The following RAB23 variants were observed in gnomAD, a reference collection of about 807,000 sequenced individuals.
The protein encoded by RAB23 is RAB23, member RAS oncogene family, also known as ras-related protein Rab-23.
Under a neutral mutation model 30.0 loss-of-function variants are expected in RAB23, and 15 were observed. That is an observed-to-expected ratio of 0.50 (90% CI 0.33 to 0.77). The LOEUF is 0.77. RAB23 is among the 30% of genes least tolerant of loss of function. The probability of loss-of-function intolerance (pLI) is 0.02; values close to 1 mark genes in which losing one functional copy is unlikely to be tolerated. For missense variants in RAB23, 243 were observed against 275.4 expected (o/e 0.88, Z 0.83); for synonymous variants, 93 against 94.0 (o/e 0.99, Z 0.06).
At chr6:57,210,585 TAA>T in intron 1 of RAB23, 140 bp from the exon 2 acceptor site, 2 of 625,388 alleles carry the variant, frequency 3.2e-6, no homozygotes, top group South Asian at 2.0e-5. Context: ...TTAGATAATG[TAA>T]ACTCTTTGAA....
In RAB23 at chr6:57,190,454, A is replaced by G. The variant is rs1764794782; in HGVS notation, c.*7T>C. 1.2e-6 allele frequency: 2 copies of G among 1,613,974 alleles called. No individual in the cohort carries two copies. The highest frequency in any genetic ancestry group is 1.3e-5 in the African/African-American group (1 of 75,040). On this transcript the variant is annotated 3_prime_UTR_variant, in exon 7 of 7. Transcript: ENST00000468148. ...ATGTAATTCAATTGTTTTCCTCCCA[A>G]AACATCTTAGGGTATGCTACAGCTG...
At chr6:57,207,792 T>G (rs573409696) in intron 2 of RAB23, 79 bp from the exon 3 acceptor site, 3 of 1,000,692 alleles carry the variant, frequency 3.0e-6, no homozygotes, top group African/African-American at 3.2e-5. Flanking sequence ...TTTTTCATTT[T>G]CAAATCCAAA....
intron 1 of RAB23, among the ~76,000 whole-genome samples, chr6:57,214,569 G>T (rs987812513): frequency 6.6e-6 from 1 of 152,146 alleles, no homozygotes; most frequent in Admixed American, 6.5e-5. Context: ...CTCCCAAAGT[G>T]CTGAGATTAC....
rs1415366893 is a variant in RAB23, at chr6:57,221,842, T to C, written c.-182A>G. The C allele has an allele frequency of 1.3e-5, 2 of 152,408 alleles. No homozygotes were observed. The highest frequency in any genetic ancestry group is 3.9e-4 in the East Asian group (2 of 5,186). The allele number at this position is 152,408 out of a possible 1,614,324, so 9.4% of individuals were successfully genotyped here. ...GCGCTCGGCGGTCCGAACCGGGGGA[T>C]GGGGGAGCCGGGCCGGGAGGCCCCT... On this transcript the variant is annotated 5_prime_UTR_variant, in exon 1 of 7. Coordinates refer to ENST00000468148, the MANE Select transcript of RAB23 (RefSeq NM_016277.5).
chr6:57,190,506 C>T lies in RAB23; in HGVS notation c.669G>A (p.Arg223=). The T allele has an allele frequency of 6.2e-7, 1 of 1,613,988 alleles. No individual in the cohort carries two copies. ...DVINLRPNKQ[R]TKKNRNPFSS... ...TAAAAGGATTTCTGTTTTTCTTGGT[C>T]CTTTGTTTGTTGGGTCTAAGATTGA... is the stretch of plus-strand genomic sequence containing the variant. The change falls in exon 7 of 7, where the codon AGG becomes AGA. Residue 223 remains arginine (R), a synonymous_variant. Transcript: ENST00000468148.
At chr6:57,215,646 T>C (rs931359628) in intron 1 of RAB23, among the ~76,000 whole-genome samples, 2 of 152,080 alleles carry the variant, frequency 1.3e-5, no homozygotes, top group African/African-American at 2.4e-5. Context: ...GAACAGCTAA[T>C]GGAAGTTCTC....
chr6:57,195,323 G>A (rs1215004394), intron 4 of RAB23, among the ~76,000 whole-genome samples: 4 of 152,100 alleles, frequency 2.6e-5, no homozygotes, highest in African/African-American at 4.8e-5. Flanking sequence ...GCTGCCTAAA[G>A]CCAAAGTCAG....
In RAB23 at chr6:57,190,489, T is replaced by G; in HGVS notation, c.686A>C (p.Asn229Thr). Residue 229 changes from asparagine (N) to threonine (T), a missense_variant, in exon 7 of 7, where the codon AAT becomes ACT. By Grantham distance (65) the Asn-to-Thr change is moderately conservative. Transcript: ENST00000468148. The part of the protein sequence containing the change: ...PNKQRTKKNR[N>T]PFSSCSIP ...GGGTATGCTACAGCTGCTAAAAGGA[T>G]TTCTGTTTTTCTTGGTCCTTTGTTT... is the stretch of plus-strand genomic sequence containing the variant. 2 of 1,614,088 alleles carry G rather than the reference T, an allele frequency of 1.2e-6. No homozygotes were observed. Among genetic ancestry groups the G allele is most frequent in the Non-Finnish European group, 1.7e-6 (2 of 1,179,960 alleles).
At chr6:57,199,145 A>G (rs981811039) in intron 3 of RAB23, among the ~76,000 whole-genome samples, 1 of 152,202 alleles carries the variant, frequency 6.6e-6, no homozygotes, top group Admixed American at 6.5e-5. Context: ...GCAGCTGTGG[A>G]GAACAGTTCC....
At chr6:57,213,021 C>T (rs1309873711) in intron 1 of RAB23, among the ~76,000 whole-genome samples, 1 of 151,630 alleles carries the variant, frequency 6.6e-6, no homozygotes, top group Non-Finnish European at 1.5e-5. Context: ...ACAACATCCA[C>T]AGATGGGAGG....
chr6:57,209,789 G>C (rs931625825), intron 2 of RAB23, among the ~76,000 whole-genome samples: 10 of 152,232 alleles, frequency 6.6e-5, no homozygotes, highest in African/African-American at 2.4e-4. Context: ...TATTTCTTTA[G>C]AGTAAAGCAA....
At chr6:57,214,700 C>T (rs988146705) in intron 1 of RAB23, among the ~76,000 whole-genome samples, 1 of 152,074 alleles carries the variant, frequency 6.6e-6, no homozygotes, top group Non-Finnish European at 1.5e-5. Flanking sequence ...TTTTGGAGCA[C>T]ATCAAAGGAA....
At chr6:57,215,489 C>T (rs1365034217) in intron 1 of RAB23, among the ~76,000 whole-genome samples, 2 of 152,138 alleles carry the variant, frequency 1.3e-5, no homozygotes, top group Non-Finnish European at 2.9e-5. Flanking sequence ...GGAAGTGGCA[C>T]ATCATTTTTT....
At chr6:57,216,820 C>G (rs1283290216) in intron 1 of RAB23, among the ~76,000 whole-genome samples, 1 of 152,232 alleles carries the variant, frequency 6.6e-6, no homozygotes, top group East Asian at 1.9e-4. Context: ...TATAAGGTAA[C>G]TTCCAGACGT....
At chr6:57,210,202 G>A in intron 2 of RAB23, 24 bp downstream of exon 2, 1 of 1,608,424 alleles carries the variant, frequency 6.2e-7, no homozygotes, top group South Asian at 1.1e-5. Context: ...CAAAGCCAAA[G>A]GAATAAAATG....
At chr6:57,221,080 A>C (rs920268822) in intron 1 of RAB23, among the ~76,000 whole-genome samples, 5 of 152,182 alleles carry the variant, frequency 3.3e-5, no homozygotes, top group African/African-American at 1.2e-4. Context: ...CATTTTGCTA[A>C]TGCGGTCTAA....
At chr6:57,202,134 A>G (rs1241212115) in intron 3 of RAB23, among the ~76,000 whole-genome samples, 1 of 152,246 alleles carries the variant, frequency 6.6e-6, no homozygotes, top group East Asian at 1.9e-4. Context: ...TCAGCAAGTC[A>G]TAACTATATA....
intron 1 of RAB23, among the ~76,000 whole-genome samples, chr6:57,214,163 G>A (rs1486023587): frequency 6.6e-6 from 1 of 152,088 alleles, no homozygotes; most frequent in Non-Finnish European, 1.5e-5. Flanking sequence ...CTACTAGAAA[G>A]TCAGGACTTA....
At chr6:57,207,532 G>A (rs1272874231) in intron 3 of RAB23, 96 bp downstream of exon 3, 1 of 812,294 alleles carries the variant, frequency 1.2e-6, no homozygotes, top group African/African-American at 1.7e-5. Context: ...TATTCTTCAA[G>A]AGAAGCCCTT....
Sources: allele counts gnomAD v4.1 joint callset (sites outside exome capture counted in the v4.1 genomes callset), GRCh38; gene constraint gnomAD v4.1.1; transcripts MANE v1.5; gene names NCBI Gene and HGNC (gene_info 2026-07-23, HGNC 2026-07-21).